The following SEPTIN6 variants were observed in gnomAD, a reference collection of about 807,000 sequenced individuals.
SEPTIN6 encodes the protein septin 6, also known as septin-6.
SEPTIN6 carries 8 observed loss-of-function variants against 33.6 expected under a neutral mutation model. That is an observed-to-expected ratio of 0.24 (90% confidence interval 0.14 to 0.43). SEPTIN6 has a LOEUF of 0.43. SEPTIN6 is among the 20% of genes least tolerant of loss of function. The pLI, the probability that SEPTIN6 is intolerant of heterozygous loss-of-function variation, is 1.00. For synonymous variants in SEPTIN6, 131 were observed against 140.0 expected (o/e 0.94, Z 0.45); for missense variants, 250 against 340.8 (o/e 0.73, Z 2.10).
In SEPTIN6 at chrX:119,652,840, C is replaced by T; in HGVS notation, c.528+14G>A. On this transcript the variant is annotated intron_variant, in intron 4 of 10. Coordinates refer to ENST00000394610, the MANE Select transcript of SEPTIN6 (RefSeq NM_145799.4). The stretch of plus-strand genomic sequence containing the variant: ...AGAGTGAGCCCCCAGCGCCCCCGCC[C>T]CTGCCTCCTATACCTTACTGTCCAG... 1 of 1,202,921 alleles carries T rather than the reference C, an allele frequency of 8.3e-7. No homozygotes were observed. The highest frequency in any genetic ancestry group is 1.1e-6 in the Non-Finnish European group (1 of 889,215).
intron 2 of SEPTIN6, among the ~76,000 whole-genome samples, chrX:119,666,515 A>G (rs1449069206): frequency 9.0e-6 from 1 of 111,266 alleles, no homozygotes; most frequent in Non-Finnish European, 1.9e-5. Context: ...GGACAGAGAG[A>G]AGGGAGAGAG....
chrX:119,674,184 T>G (rs2054800953), intron 2 of SEPTIN6, among the ~76,000 whole-genome samples: 1 of 109,742 alleles, frequency 9.1e-6, no homozygotes, highest in African/African-American at 3.3e-5. Flanking sequence ...GATTCTTTTT[T>G]TTTTTTTGAG....
intron 1 of SEPTIN6, among the ~76,000 whole-genome samples, chrX:119,677,761 C>A (rs1168712218): frequency 2.7e-5 from 3 of 112,896 alleles, no homozygotes; most frequent in Non-Finnish European, 5.6e-5. Flanking sequence ...TCACTCCCAT[C>A]GGTGTCACTA....
chrX:119,627,208 G>A (rs1281283639), intron 9 of SEPTIN6, among the ~76,000 whole-genome samples: 1 of 110,807 alleles, frequency 9.0e-6, no homozygotes, highest in Non-Finnish European at 1.9e-5. Flanking sequence ...ACACCTTTTG[G>A]ATCCTCAGTA....
chrX:119,679,635 G>A (rs932635120), intron 1 of SEPTIN6, among the ~76,000 whole-genome samples: 2 of 111,597 alleles, frequency 1.8e-5, no homozygotes, highest in Non-Finnish European at 3.8e-5. Context: ...TGAGGCAGGC[G>A]GATCACGAGG....
At chrX:119,663,458 A>AACCCCCCC in intron 3 of SEPTIN6, 24 bp downstream of exon 3, 3 of 730,701 alleles carry the variant, frequency 4.1e-6, no homozygotes, top group East Asian at 3.7e-5. Flanking sequence ...TCCCCACCCT[A>AACCCCCCC]CCCCACCCCA....
intron 1 of SEPTIN6, among the ~76,000 whole-genome samples, chrX:119,687,125 G>A (rs1478342284): frequency 8.9e-6 from 1 of 111,801 alleles, no homozygotes; most frequent in African/African-American, 3.2e-5. Flanking sequence ...GAAGCCATTG[G>A]GGAAAATGAA....
intron 9 of SEPTIN6, among the ~76,000 whole-genome samples, chrX:119,626,310 A>G (rs2053855453): frequency 9.0e-6 from 1 of 111,521 alleles, no homozygotes; most frequent in Admixed American, 9.6e-5. Context: ...TGTAAGAAGA[A>G]CTTTTACTGA....
chrX:119,643,580 C>T (rs1234832731), intron 5 of SEPTIN6, among the ~76,000 whole-genome samples: 2 of 111,423 alleles, frequency 1.8e-5, no homozygotes, highest in South Asian at 3.7e-4. Flanking sequence ...TCCCACAGCA[C>T]GCTCCTTTGC....
intron 3 of SEPTIN6, among the ~76,000 whole-genome samples, chrX:119,658,038 A>C (rs1413740093): frequency 9.0e-6 from 1 of 111,323 alleles, no homozygotes; most frequent in Non-Finnish European, 1.9e-5. Context: ...GAGGCAGGAG[A>C]ATGGCGTGAA....
chrX:119,622,399 C>T (rs958814508), intron 10 of SEPTIN6, among the ~76,000 whole-genome samples: 1 of 111,726 alleles, frequency 9.0e-6, no homozygotes, highest in African/African-American at 3.3e-5. Context: ...CTTCGTGATC[C>T]ACCCCTTGAA....
intron 1 of SEPTIN6, among the ~76,000 whole-genome samples, chrX:119,679,049 G>T (rs1460132160): frequency 9.0e-6 from 1 of 110,603 alleles, no homozygotes; most frequent in African/African-American, 3.3e-5. Context: ...CCAGGTTCAA[G>T]CGATTCTCCT....
Position 119,674,423 on chromosome X carries a change from G to A in SEPTIN6, c.145+1131C>T, listed in dbSNP as rs762973940. ...CGATCTTCTGACCTCGTGATCCACC[G>A]GCCTCGGCCTCCCAAAGTGCTGGGA... On this transcript the variant is annotated intron_variant, in intron 2 of 10. Coordinates refer to ENST00000394610, the MANE Select transcript of SEPTIN6 (RefSeq NM_145799.4). Among the ~76,000 whole-genome samples the A allele has an allele frequency of 1.4e-4, 15 of 110,133 alleles. No individual in the cohort carries two copies. In the East Asian group the frequency reaches 2.0e-3, roughly 15 times the overall value.
chrX:119,620,444 C>G (rs1295469044), intron 10 of SEPTIN6, among the ~76,000 whole-genome samples: 1 of 106,779 alleles, frequency 9.4e-6, no homozygotes, highest in Non-Finnish European at 1.9e-5. Context: ...TCAGCCTCCC[C>G]AGCAGCTGGG....
At chrX:119,654,703 T>A (rs187491509) in intron 3 of SEPTIN6, among the ~76,000 whole-genome samples, 1 of 111,756 alleles carries the variant, frequency 8.9e-6, no homozygotes, top group Admixed American at 9.5e-5. Context: ...GAAAAATCTT[T>A]TTTTTTAAGA....
intron 1 of SEPTIN6, among the ~76,000 whole-genome samples, chrX:119,682,502 G>T (rs1242825720): frequency 9.0e-6 from 1 of 111,134 alleles, no homozygotes; most frequent in East Asian, 2.8e-4. Context: ...GTCACCTGTG[G>T]TTTTTAAATA....
intron 5 of SEPTIN6, among the ~76,000 whole-genome samples, chrX:119,644,511 CA>C (rs2054210548): frequency 1.8e-5 from 2 of 111,745 alleles, no homozygotes; most frequent in African/African-American, 6.5e-5. Flanking sequence ...CATCCTCACA[CA>C]GCAGAAGGAC....
rs1417361099 is a variant in SEPTIN6, at chrX:119,637,008, G to A, written c.956+19C>T. 6 of 1,203,623 alleles carry A rather than the reference G, an allele frequency of 5.0e-6. No homozygotes were observed. Among genetic ancestry groups the A allele is most frequent in the African/African-American group, 1.7e-5 (1 of 57,667 alleles). ...GAGCTGAGCTGGGCTGGGCTGGGCT[G>A]GGCTGGCAGGAGCGGTACCTGAAGG... On this transcript the variant is annotated intron_variant, in intron 7 of 10. Coordinates refer to ENST00000394610, the MANE Select transcript of SEPTIN6 (RefSeq NM_145799.4).
intron 2 of SEPTIN6, among the ~76,000 whole-genome samples, chrX:119,664,934 GC>G (rs898089398): frequency 1.9e-5 from 2 of 107,594 alleles, no homozygotes; most frequent in African/African-American, 6.8e-5. Flanking sequence ...GGCCTAAACA[GC>G]CCTCTGGGGA....
Sources: gnomAD v4.1 joint callset for allele counts (sites outside exome capture counted in the v4.1 genomes callset) on GRCh38, gnomAD v4.1.1 for gene constraint, MANE v1.5 for transcripts, NCBI Gene and HGNC (gene_info 2026-07-23, HGNC 2026-07-21) for gene names.